Variants in SHOC1 observed in about 807,000 individuals in gnomAD.
SHOC1 encodes the protein shortage in chiasmata 1.
A neutral mutation model predicts 179.2 loss-of-function variants in SHOC1; 136 were observed. The observed-to-expected ratio is 0.76, with a 90% CI of 0.66 to 0.87. SHOC1 has a LOEUF of 0.87. Ranked by LOEUF, SHOC1 falls within the 40% of genes least tolerant of loss-of-function variation. The pLI, the probability that SHOC1 is intolerant of heterozygous loss-of-function variation, is 0.00. For synonymous variants in SHOC1, 489 were observed against 586.6 expected, an observed-to-expected ratio of 0.83 and a Z score of 2.41; for missense variants, 1,538 against 1,700.8, an observed-to-expected ratio of 0.90 and a Z score of 1.68.
chr9:111,758,100 G>A lies in SHOC1; in HGVS notation c.692C>T (p.Thr231Ile). ...VNFCQEKLED[T>I]ICLNEPSSFL... Reference sequence around the variant, plus strand: ...TATTACAACCTCATTTAAACATATTGTATCTTCTAGTTTCTCTTGACAAAA... The same window carrying A: ...TATTACAACCTCATTTAAACATATTATATCTTCTAGTTTCTCTTGACAAAA... The change falls in exon 7 of 28, where the codon ACA becomes ATA. Residue 231 changes from threonine (T) to isoleucine (I), a missense_variant. Transcript: ENST00000682961. 6.6e-7 allele frequency: 1 copy of A among 1,524,620 alleles called. No homozygotes were observed. Among genetic ancestry groups the A allele is most frequent in the South Asian group, 1.2e-5 (1 of 81,676 alleles). 94.4% of individuals were successfully genotyped at this position (1,524,620 alleles called of 1,614,324 possible). A position where few individuals can be genotyped will look rare whatever the true frequency, so the allele number is the denominator to read the frequency against.
chr9:111,704,883 A>G lies in SHOC1; in HGVS notation c.2855+364T>C, dbSNP rs532804751. Among the ~76,000 whole-genome samples the G allele has an allele frequency of 5.9e-5, 9 of 152,308 alleles. No homozygotes were observed. In the East Asian group the frequency reaches 1.3e-3, roughly 23 times the overall value. ...TTATCAATGACTCAAAGACATGAAC[A>G]TATAATTCACAGAAAAAAGCACACA... On this transcript the variant is annotated intron_variant, in intron 21 of 27. Coordinates refer to ENST00000682961, the MANE Select transcript of SHOC1 (RefSeq NM_001378211.1).
chr9:111,750,827 T>C (rs1484509074), intron 8 of SHOC1, among the ~76,000 whole-genome samples: 1 of 152,226 alleles, frequency 6.6e-6, no homozygotes, highest in African/African-American at 2.4e-5. Context: ...TCTTTTGCTG[T>C]GCAGAAGCTC....
chr9:111,687,237 C>T (rs1283434314), intron 27 of SHOC1, among the ~76,000 whole-genome samples: 1 of 152,178 alleles, frequency 6.6e-6, no homozygotes, highest in Non-Finnish European at 1.5e-5. Flanking sequence ...CATGAGCCAC[C>T]ATGCCCGGCT....
Position 111,775,902 on chromosome 9 carries a change from A to C in SHOC1, c.331T>G (p.Ser111Ala). 6.2e-7 allele frequency: 1 copy of C among 1,613,680 alleles called. No homozygotes were observed. The highest frequency in any genetic ancestry group is 1.1e-5 in the South Asian group (1 of 91,062). ...EEVVPSSNPD[S>A]QIEVEEVSLY... ...CTGACCTCCTCTACTTCAATTTGGG[A>C]GTCTGGATTTGAACTTGGAACAACT... is the stretch of plus-strand genomic sequence containing the variant. The change falls in exon 5 of 28, where the codon TCC becomes GCC. Residue 111 changes from serine to alanine, a missense_variant. Transcript: ENST00000682961.
intron 12 of SHOC1, among the ~76,000 whole-genome samples, chr9:111,732,791 G>A (rs1234374202): frequency 6.6e-6 from 1 of 152,134 alleles, no homozygotes; most frequent in African/African-American, 2.4e-5. Flanking sequence ...GATGGAAGGA[G>A]AATGACTGCA....
intron 16 of SHOC1, among the ~76,000 whole-genome samples, chr9:111,717,383 C>G (rs1206853940): frequency 2.0e-5 from 3 of 152,086 alleles, no homozygotes; most frequent in African/African-American, 2.4e-5. Context: ...CACCTGAGGT[C>G]AGGAGTTCAA....
Position 111,686,542 on chromosome 9 carries a change from T to A in SHOC1, c.*228A>T. On this transcript the variant is annotated 3_prime_UTR_variant, in exon 28 of 28. Transcript: ENST00000682961. ...GTGTGCAGGGGTGTCTGGAAGACAT[T>A]TTGGATCTTATGATAATTATTCTGC... The A allele has an allele frequency of 2.6e-6, 1 of 378,938 alleles. No individual in the cohort carries two copies. The highest frequency in any genetic ancestry group is 5.5e-5 in the East Asian group (1 of 18,078). 23.5% of individuals were successfully genotyped at this position (378,938 alleles called of 1,614,324 possible).
intron 9 of SHOC1, 35 bp downstream of exon 9, chr9:111,748,057 C>A (rs750874927): frequency 1.5e-6 from 2 of 1,370,668 alleles, no homozygotes; most frequent in Admixed American, 3.4e-5. Context: ...AATAGGTAAT[C>A]CCCAATAAGC....
rs756043790 is a variant in SHOC1, at chr9:111,728,044, G to C, written c.1423C>G (p.Leu475Val). 26 of 1,567,950 alleles carry C rather than the reference G, an allele frequency of 1.7e-5. No homozygotes were observed. The highest frequency in any genetic ancestry group is 2.2e-5 in the Non-Finnish European group (25 of 1,159,372). The change falls in exon 13 of 28, where the codon CTA becomes GTA. Residue 475 changes from leucine (L) to valine (V), a missense_variant. Transcript: ENST00000682961. ...GGTGAAGAATGACTTTTATGTTCTA[G>C]ACATGCTGAAAACAGAAAATAACAA... ...PTKVLQLESC[L>V]EHKSHSSPIA...
In SHOC1 at chr9:111,694,310, G is replaced by A; in HGVS notation, c.3236C>T (p.Ala1079Val). Residue 1079 changes from alanine (A) to valine (V), a missense_variant, in exon 25 of 28, where the codon GCT becomes GTT. By Grantham distance (64) the Ala-to-Val change is moderately conservative. Coordinates refer to ENST00000682961, the MANE Select transcript of SHOC1 (RefSeq NM_001378211.1). ...CTTTGAGGTCATTAAACTGTGGTCAGCAATTTGTCGAATTATCAAGGCAGT... is the reference window on the plus strand; with the variant it reads ...CTTTGAGGTCATTAAACTGTGGTCAACAATTTGTCGAATTATCAAGGCAGT... ...EATALIIRQI[A>V]DHSLMTSKRD... is the part of the protein sequence containing the mutation. The A allele has an allele frequency of 6.2e-7, 1 of 1,611,276 alleles. No individual in the cohort carries two copies. The highest frequency in any genetic ancestry group is 8.5e-7 in the Non-Finnish European group (1 of 1,177,894).
intron 10 of SHOC1, among the ~76,000 whole-genome samples, chr9:111,741,968 T>G (rs144326277): frequency 6.6e-6 from 1 of 152,276 alleles, no homozygotes; most frequent in Non-Finnish European, 1.5e-5. Flanking sequence ...TTAAAGTACT[T>G]TTACACTCAA....
chr9:111,741,027 C>CT (rs1351663827), intron 11 of SHOC1, among the ~76,000 whole-genome samples: 1 of 152,182 alleles, frequency 6.6e-6, no homozygotes, highest in Non-Finnish European at 1.5e-5. Flanking sequence ...CTAGCTGGGA[C>CT]TAAAGGTGCG....
At chr9:111,698,017 T>G (rs1305702160) in intron 24 of SHOC1, among the ~76,000 whole-genome samples, 1 of 152,220 alleles carries the variant, frequency 6.6e-6, no homozygotes, top group Non-Finnish European at 1.5e-5. Context: ...TCATATCTGT[T>G]GCCCACTTTT....
intron 5 of SHOC1, among the ~76,000 whole-genome samples, chr9:111,764,233 C>G (rs1311395327): frequency 6.6e-6 from 1 of 152,124 alleles, no homozygotes; most frequent in Non-Finnish European, 1.5e-5. Flanking sequence ...TATTGCAGTT[C>G]TTGTGTTCAA....
chr9:111,785,854 G>A lies in SHOC1; in HGVS notation c.169+58C>T, dbSNP rs1836242301. On this transcript the variant is annotated intron_variant, in intron 3 of 27. Transcript: ENST00000682961. ...CATTGCATATTCTTAATAATTTGCTGTGCTAAACTCTGAAATGGCTTTTAA... is the reference window on the plus strand; with the variant it reads ...CATTGCATATTCTTAATAATTTGCTATGCTAAACTCTGAAATGGCTTTTAA... The A allele has an allele frequency of 4.4e-6, 6 of 1,351,864 alleles. No individual in the cohort carries two copies. In the South Asian group the frequency reaches 6.0e-5, roughly 13 times the overall value. 83.7% of individuals were successfully genotyped at this position (1,351,864 alleles called of 1,614,324 possible). A position where few individuals can be genotyped will look rare whatever the true frequency, so the allele number is the denominator to read the frequency against.
chr9:111,707,200 A>G (rs1832316924), intron 19 of SHOC1, among the ~76,000 whole-genome samples: 1 of 152,062 alleles, frequency 6.6e-6, no homozygotes, highest in African/African-American at 2.4e-5. Flanking sequence ...ACACTTAAAT[A>G]TCATAAATTT....
rs142048438 is a variant in SHOC1, at chr9:111,758,772, A to T, written c.519T>A (p.Ser173Arg). ...CCTTTACCAAAAACAGTTTTAGTCT[A>T]CTCAAGAGAGTAGGCAAAGTTGGTA... ...KHLPTLPTLL[S>R]RLKLFLVKDP... is the part of the protein sequence containing the mutation. The change falls in exon 6 of 28, where the codon AGT becomes AGA. Residue 173 changes from serine to arginine, a missense_variant. Transcript: ENST00000682961. 1.7e-5 allele frequency: 28 copies of T among 1,604,046 alleles called. 1 individual carries two copies. The African/African-American group carries it at 3.5e-4, about 20-fold the overall frequency.
At chr9:111,775,024 C>G (rs1835776362) in intron 5 of SHOC1, among the ~76,000 whole-genome samples, 1 of 151,632 alleles carries the variant, frequency 6.6e-6, no homozygotes, top group Non-Finnish European at 1.5e-5. Context: ...GAGATTCAGT[C>G]TTGCTCTTTT....
chr9:111,691,613 CT>C lies in SHOC1; in HGVS notation c.4363del (p.Ser1455ValfsTer2), dbSNP rs1488416366. The C allele has an allele frequency of 3.7e-6, 6 of 1,613,866 alleles. No individual in the cohort carries two copies. Among genetic ancestry groups the C allele is most frequent in the Non-Finnish European group, 5.1e-6 (6 of 1,179,896 alleles). The part of the protein sequence containing the change: ...SLYFYQRAGK[S>X]LGQKRHHESS... Reference sequence around the variant, plus strand: ...TTCATGGTGCCTTTTCTGTCCTAAACTTTTTCCAGCTCTTTGGTAGAAATAA... The same window carrying C: ...TTCATGGTGCCTTTTCTGTCCTAAACTTTTCCAGCTCTTTGGTAGAAATAA... On this transcript the variant is annotated frameshift_variant, in exon 27 of 28. Coordinates refer to ENST00000682961, the MANE Select transcript of SHOC1 (RefSeq NM_001378211.1). LOFTEE classifies it high-confidence loss of function.
Sources: gnomAD v4.1 joint callset for allele counts (sites outside exome capture counted in the v4.1 genomes callset) on GRCh38, gnomAD v4.1.1 for gene constraint, MANE v1.5 for transcripts, NCBI Gene and HGNC (gene_info 2026-07-23, HGNC 2026-07-21) for gene names.